The following NFAT5 variants were observed in gnomAD, a reference collection of about 807,000 sequenced individuals.
NFAT5 encodes nuclear factor of activated T cells 5.
In NFAT5, 31 loss-of-function variants were observed where a neutral mutation model predicts 166.5. That is an observed-to-expected ratio of 0.19 (90% CI 0.14 to 0.25). NFAT5 has a LOEUF of 0.25. Among genes scored for constraint, NFAT5 ranks in the 10% least tolerant of loss-of-function variants. The probability of loss-of-function intolerance (pLI) is 1.00; values close to 1 mark genes in which losing one functional copy is unlikely to be tolerated. For missense variants in NFAT5, 1,449 were observed against 1,821.8 expected (o/e 0.80, Z 3.72); for synonymous variants, 612 against 639.7 (o/e 0.96, Z 0.65).
chr16:69,674,138 G>T (rs1447112941), intron 9 of NFAT5, among the ~76,000 whole-genome samples: 2 of 151,470 alleles, frequency 1.3e-5, no homozygotes, highest in Non-Finnish European at 2.9e-5. Flanking sequence ...AGCTACTTAG[G>T]AGGCTGAGGC....
intron 2 of NFAT5, among the ~76,000 whole-genome samples, chr16:69,623,716 A>G (rs1238207386): frequency 1.3e-5 from 2 of 152,052 alleles, no homozygotes; most frequent in Non-Finnish European, 2.9e-5. Flanking sequence ...CATGTTGGTC[A>G]GGCTGGTCTC....
At chr16:69,643,614 C>G (rs1008031429) in intron 3 of NFAT5, among the ~76,000 whole-genome samples, 1 of 151,408 alleles carries the variant, frequency 6.6e-6, no homozygotes, top group Non-Finnish European at 1.5e-5. Context: ...AATATATATT[C>G]TAAGTACTTT....
chr16:69,566,099 C>T lies in NFAT5; in HGVS notation c.-203C>T, dbSNP rs1422569660. 5.4e-6 allele frequency: 3 copies of T among 557,292 alleles called. No individual in the cohort carries two copies. The highest frequency in any genetic ancestry group is 4.1e-5 in the African/African-American group (2 of 49,264). 34.5% of individuals were successfully genotyped at this position (557,292 alleles called of 1,614,324 possible). ...CCTCTCCTGGTCACCGAGAATCAGT[C>T]CCCGTGGAGTTCCCCCTCCACCTCG... is the stretch of plus-strand genomic sequence containing the variant. On this transcript the variant is annotated 5_prime_UTR_variant, in exon 1 of 15. Coordinates refer to ENST00000349945, the MANE Select transcript of NFAT5 (RefSeq NM_138713.4). This position sits in a 1 kb window ranked among gnomAD's most constrained non-coding sequence, Gnocchi z 5.7.
intron 6 of NFAT5, among the ~76,000 whole-genome samples, chr16:69,658,973 G>A (rs1215539549): frequency 1.3e-5 from 2 of 152,078 alleles, no homozygotes; most frequent in Non-Finnish European, 2.9e-5. Flanking sequence ...AACATATCAT[G>A]AGCATTTTTC....
intron 2 of NFAT5, among the ~76,000 whole-genome samples, chr16:69,619,586 G>A (rs924299397): frequency 3.3e-5 from 5 of 152,122 alleles, no homozygotes; most frequent in Non-Finnish European, 7.3e-5. Context: ...CATATACTGA[G>A]CCTGGCCCTG....
chr16:69,600,331 G>C (rs1282309236), intron 2 of NFAT5, among the ~76,000 whole-genome samples: 1 of 152,122 alleles, frequency 6.6e-6, no homozygotes, highest in South Asian at 2.1e-4. Flanking sequence ...GGAGTGGTTG[G>C]AACAGAAGCC....
intron 2 of NFAT5, among the ~76,000 whole-genome samples, chr16:69,580,594 T>C (rs1456585482): frequency 1.3e-5 from 2 of 151,856 alleles, no homozygotes; most frequent in Non-Finnish European, 2.9e-5. Flanking sequence ...AAAATACAAA[T>C]CCAAACTTAT....
chr16:69,568,346 A>ATATATATG (rs1190306661), intron 1 of NFAT5, 149 bp from the exon 2 acceptor site: 54 of 180,670 alleles, frequency 3.0e-4, no homozygotes, highest in African/African-American at 1.5e-3. Context: ...ATATATATAT[A>ATATATATG]TGTGTGTGTG....
chr16:69,613,333 C>T (rs915572057), intron 2 of NFAT5, among the ~76,000 whole-genome samples: 1 of 152,134 alleles, frequency 6.6e-6, no homozygotes, highest in Non-Finnish European at 1.5e-5. Flanking sequence ...CTCTGTATTC[C>T]TGGTAGGATG....
At chr16:69,688,893 A>G (rs1490375770) in intron 11 of NFAT5, among the ~76,000 whole-genome samples, 6 of 152,178 alleles carry the variant, frequency 3.9e-5, no homozygotes, top group Non-Finnish European at 8.8e-5. Context: ...GATAACACTA[A>G]TGGTTTTTCA....
chr16:69,603,956 ATAT>A, intron 2 of NFAT5, among the ~76,000 whole-genome samples: 1 of 152,168 alleles, frequency 6.6e-6, no homozygotes, highest in East Asian at 1.9e-4. Context: ...ATTTTTAGCT[ATAT>A]TATACTTAAT....
intron 4 of NFAT5, among the ~76,000 whole-genome samples, chr16:69,651,401 A>T (rs1379201819): frequency 6.6e-6 from 1 of 152,004 alleles, no homozygotes; most frequent in Non-Finnish European, 1.5e-5. Context: ...CCCCATTTCC[A>T]TTGAAGATAG....
intron 2 of NFAT5, among the ~76,000 whole-genome samples, chr16:69,593,344 A>AT (rs908297966): frequency 3.3e-5 from 5 of 151,730 alleles, no homozygotes; most frequent in African/African-American, 1.2e-4. Context: ...TTAAAAAAAA[A>AT]TTTTTTTAAT....
At chr16:69,639,733 C>G (rs2035120431) in intron 3 of NFAT5, among the ~76,000 whole-genome samples, 1 of 151,958 alleles carries the variant, frequency 6.6e-6, no homozygotes, top group Admixed American at 6.6e-5. Context: ...GGTTTTTTTA[C>G]AGTGTAAGTG....
intron 9 of NFAT5, among the ~76,000 whole-genome samples, chr16:69,671,620 T>C (rs1472776161): frequency 1.3e-5 from 2 of 152,176 alleles, no homozygotes; most frequent in African/African-American, 4.8e-5. Flanking sequence ...CTGCCCGCCT[T>C]GGCCTCCCAA....
rs2035480911 is a variant in NFAT5 at position 69,647,318 on chromosome 16, T to C, written c.544T>C (p.Cys182Arg). ...TCGGATGTCCTGCCAGGATGAGGGG[T>C]GTGGATTGGAATCTGAGCAGAGCTG... ...NSRMSCQDEG[C>R]GLESEQSCSM... is the part of the protein sequence containing the mutation. Residue 182 changes from cysteine (C) to arginine (R), a missense_variant, in exon 4 of 15, where the codon TGT (cysteine) becomes CGT (arginine). Cys to Arg is a radical substitution (Grantham distance 180). This residue lies in a region of NFAT5 where 115 missense variants were observed against 177.1 expected (regional missense o/e 0.65). Coordinates refer to ENST00000349945, the MANE Select transcript of NFAT5 (RefSeq NM_138713.4). This position sits in a 1 kb window ranked among gnomAD's most constrained non-coding sequence, Gnocchi z 4.8. 1 of 1,613,874 alleles carries C rather than the reference T, an allele frequency of 6.2e-7. No individual in the cohort carries two copies. The highest frequency in any genetic ancestry group is 1.3e-5 in the African/African-American group (1 of 74,836).
intron 2 of NFAT5, among the ~76,000 whole-genome samples, chr16:69,617,603 A>G (rs2034013808): frequency 6.7e-6 from 1 of 149,878 alleles, no homozygotes; most frequent in Non-Finnish European, 1.5e-5. Flanking sequence ...CAGTCCTCCT[A>G]CCTCAGCCTC....
rs2037905342 is a variant in NFAT5, at chr16:69,701,963, C to G, written c.*5612C>G. 6.6e-6 allele frequency: 1 copy of G among 152,382 alleles called. No individual in the cohort carries two copies. Among genetic ancestry groups the G allele is most frequent in the African/African-American group, 2.4e-5 (1 of 41,416 alleles). The allele number at this position is 152,382 out of a possible 1,614,324, so 9.4% of individuals were successfully genotyped here. A position where few individuals can be genotyped will look rare whatever the true frequency, so the allele number is the denominator to read the frequency against. On this transcript the variant is annotated 3_prime_UTR_variant, in exon 15 of 15. Coordinates refer to ENST00000349945, the MANE Select transcript of NFAT5 (RefSeq NM_138713.4). ...TGATCAGATACAGTCAGATGGAGTG[C>G]CTTGGTTTTTGTTAATTTTGCCTCT...
Position 69,693,938 on chromosome 16 carries a change from T to C in NFAT5, c.4113T>C (p.His1371=), listed in dbSNP as rs2151723812. The change falls in exon 13 of 15, where the codon CAT becomes CAC. Residue 1371 remains histidine (H), a synonymous_variant. Transcript: ENST00000349945. ...AATCATCACAGACCCCCTTGTTCCA[T>C]AGCTCTCCTCAGATTCAGTTGGTAC... is the stretch of plus-strand genomic sequence containing the variant. The part of the protein sequence containing the change: ...QSESSQTPLF[H]SSPQIQLVQG... The C allele has an allele frequency of 4.3e-6, 7 of 1,614,238 alleles. No homozygotes were observed. Among genetic ancestry groups the C allele is most frequent in the Non-Finnish European group, 5.9e-6 (7 of 1,180,038 alleles).
Sources: allele counts gnomAD v4.1 joint callset (sites outside exome capture counted in the v4.1 genomes callset), GRCh38; gene constraint gnomAD v4.1.1; regional missense constraint gnomAD v4.1.1; non-coding constraint Gnocchi (gnomAD v3.1); transcripts MANE v1.5; gene names NCBI Gene and HGNC (gene_info 2026-07-23, HGNC 2026-07-21).